Variants in WDR36 observed in about 807,000 individuals in gnomAD.
The protein encoded by WDR36 is WD repeat domain 36, also known as WD repeat-containing protein 36.
In WDR36, 63 loss-of-function variants were observed where a neutral mutation model predicts 112.7. The observed-to-expected ratio is 0.56, with a 90% confidence interval of 0.46 to 0.69. The LOEUF (loss-of-function observed/expected upper bound fraction) is 0.69. Among genes scored for constraint, WDR36 ranks in the 30% least tolerant of loss-of-function variants. The probability of loss-of-function intolerance (pLI) is 0.00; values close to 1 mark genes in which losing one functional copy is unlikely to be tolerated. For missense variants in WDR36, 1,226 were observed against 1,070.3 expected (o/e 1.15, Z -2.03); for synonymous variants, 410 against 362.2 (o/e 1.13, Z -1.50).
Position 111,111,216 on chromosome 5 carries a change from G to A in WDR36, c.1654G>A (p.Asp552Asn). The A allele has an allele frequency of 6.2e-7, 1 of 1,611,840 alleles. No homozygotes were observed. Among genetic ancestry groups the A allele is most frequent in the Non-Finnish European group, 8.5e-7 (1 of 1,178,320 alleles). The change falls in exon 15 of 23, where the codon GAC becomes AAC. Residue 552 changes from aspartate (D) to asparagine (N), a missense_variant. Physicochemically the swap from Asp to Asn is conservative, Grantham distance 23. Coordinates refer to ENST00000513710, the MANE Select transcript of WDR36 (RefSeq NM_139281.3). ...ALDDFSISVL[D>N]IETRKIVREF... Reference sequence around the variant, plus strand: ...GGATGACTTCTCCATTAGTGTTCTGGACATAGAAACTAGGAAGATTGTCAG... The same window carrying A: ...GGATGACTTCTCCATTAGTGTTCTGAACATAGAAACTAGGAAGATTGTCAG...
At position 111,123,904 on chromosome 5, in the gene WDR36, C is replaced by A. The variant is rs779267812; in HGVS notation, c.2248C>A (p.Gln750Lys). 6.2e-7 allele frequency: 1 copy of A among 1,613,670 alleles called. No individual in the cohort carries two copies. Among genetic ancestry groups the A allele is most frequent in the East Asian group, 2.2e-5 (1 of 44,824 alleles). The change falls in exon 20 of 23, where the codon CAA becomes AAA. Residue 750 changes from glutamine to lysine, a missense_variant. Gln to Lys is a moderately conservative substitution (Grantham distance 53). Transcript: ENST00000513710. The part of the protein sequence containing the change: ...GLVPRYAAPE[Q>K]NNDPQQSKVV... Reference sequence around the variant, plus strand: ...TGTACCCAGATATGCTGCACCTGAACAAAATAATGATCCCCAGCAGGTAAA... The same window carrying A: ...TGTACCCAGATATGCTGCACCTGAAAAAAATAATGATCCCCAGCAGGTAAA...
At chr5:111,114,510 C>T (rs1232373063) in intron 16 of WDR36, among the ~76,000 whole-genome samples, 1 of 152,166 alleles carries the variant, frequency 6.6e-6, no homozygotes, top group Non-Finnish European at 1.5e-5. Context: ...CTTGCATATA[C>T]ACTGGATTTG....
intron 21 of WDR36, 125 bp from the exon 22 acceptor site, chr5:111,125,483 T>A: frequency 1.0e-6 from 1 of 990,988 alleles, no homozygotes; most frequent in Admixed American, 2.5e-5. Context: ...TATGAAAAAA[T>A]TAACCCACAG....
At chr5:111,104,495 ACAG>A (rs1753185333) in intron 8 of WDR36, 143 bp downstream of exon 8, 3 of 1,384,248 alleles carry the variant, frequency 2.2e-6, no homozygotes, top group Non-Finnish European at 3.1e-6. Flanking sequence ...AACAAAAAGC[ACAG>A]CAGGTGACAT....
Position 111,130,483 on chromosome 5 carries a change from A to G in WDR36, c.*3600A>G, listed in dbSNP as rs1166595397. 5.8e-6 allele frequency: 1 copy of G among 173,668 alleles called. No homozygotes were observed. The highest frequency in any genetic ancestry group is 1.2e-5 in the Non-Finnish European group (1 of 80,204). 10.8% of individuals were successfully genotyped at this position (173,668 alleles called of 1,614,324 possible). ...GATTTTCATATATATATATGATATA[A>G]TAAACACTTTTTGACATTCTGGGAG... On this transcript the variant is annotated 3_prime_UTR_variant, in exon 23 of 23. Transcript: ENST00000513710.
chr5:111,105,223 A>T (rs932234272), intron 9 of WDR36, 72 bp from the exon 10 acceptor site: 4 of 1,482,028 alleles, frequency 2.7e-6, no homozygotes, highest in Non-Finnish European at 3.8e-6. Context: ...ATTGAATTTT[A>T]TAAAATTTGT....
At chr5:111,103,970 A>C in intron 7 of WDR36, 52 bp downstream of exon 7, 1 of 1,600,174 alleles carries the variant, frequency 6.2e-7, no homozygotes, top group Non-Finnish European at 8.5e-7. Context: ...AAAATTCATT[A>C]CTTTAAAAGT....
Position 111,126,916 on chromosome 5 carries a change from A to G in WDR36, c.*33A>G. The stretch of plus-strand genomic sequence containing the variant: ...TTTGTGACTAAACAAAGACTTTCAT[A>G]TTAAATGGGTTCAATTGAACTCATT... On this transcript the variant is annotated 3_prime_UTR_variant, in exon 23 of 23. Coordinates refer to ENST00000513710, the MANE Select transcript of WDR36 (RefSeq NM_139281.3). 1.3e-6 allele frequency: 2 copies of G among 1,546,792 alleles called. No homozygotes were observed. The highest frequency in any genetic ancestry group is 1.8e-6 in the Non-Finnish European group (2 of 1,140,304).
rs1261901541 is a variant in WDR36, at chr5:111,126,742, T to A, written c.2547T>A (p.Leu849=). ...CATATTTTTCTTTGCAGTTACACCTTAAAATGCTTCCTTCAGAGCCAGTAC... is the reference window on the plus strand; with the variant it reads ...CATATTTTTCTTTGCAGTTACACCTAAAAATGCTTCCTTCAGAGCCAGTAC... The part of the protein sequence containing the change: ...AYLALFLKLH[L]KMLPSEPVLL... Residue 849 remains leucine, a synonymous_variant, in exon 23 of 23, where the codon CTT becomes CTA. Coordinates refer to ENST00000513710, the MANE Select transcript of WDR36 (RefSeq NM_139281.3). 1 of 1,613,714 alleles carries A rather than the reference T, an allele frequency of 6.2e-7. No homozygotes were observed.
chr5:111,095,097 A>G (rs1270495739), intron 2 of WDR36, 150 bp downstream of exon 2: 3 of 707,168 alleles, frequency 4.2e-6, no homozygotes, highest in African/African-American at 3.6e-5. Context: ...GGGTGCCAGG[A>G]TAAATCATGT....
chr5:111,104,113 G>A (rs1753173996), intron 7 of WDR36, 64 bp from the exon 8 acceptor site: 1 of 1,484,416 alleles, frequency 6.7e-7, no homozygotes, highest in African/African-American at 1.4e-5. Context: ...GAAGAGAGAA[G>A]AATTCTTGTT....
chr5:111,099,701 G>A (rs1367787043), intron 4 of WDR36, among the ~76,000 whole-genome samples: 1 of 151,796 alleles, frequency 6.6e-6, no homozygotes, highest in Non-Finnish European at 1.5e-5. Flanking sequence ...TATTCAGGGA[G>A]CCATTTGTAG....
chr5:111,107,172 C>T (rs1303826109), intron 11 of WDR36, 122 bp from the exon 12 acceptor site: 3 of 1,086,346 alleles, frequency 2.8e-6, no homozygotes, highest in Non-Finnish European at 4.0e-6. Context: ...ATATTGCTAT[C>T]AGATATTACC....
At position 111,092,538 on chromosome 5, in the gene WDR36, C is replaced by T. The variant is rs1009808986; in HGVS notation, c.82C>T (p.Pro28Ser). The change falls in exon 1 of 23, where the codon CCA becomes TCA. Residue 28 changes from proline to serine, a missense_variant. By Grantham distance (74) the Pro-to-Ser change is moderately conservative. Coordinates refer to ENST00000513710, the MANE Select transcript of WDR36 (RefSeq NM_139281.3). ...RALGLFSNDI[P>S]HVVRFSALKR... ...CTTGGGACTTTTCAGCAACGACATTCCACACGTGGTGCGGTTCAGCGCGCT... is the reference window on the plus strand; with the variant it reads ...CTTGGGACTTTTCAGCAACGACATTTCACACGTGGTGCGGTTCAGCGCGCT... 2.5e-6 allele frequency: 4 copies of T among 1,614,240 alleles called. No homozygotes were observed. Among genetic ancestry groups the T allele is most frequent in the South Asian group, 1.1e-5 (1 of 91,086 alleles).
chr5:111,098,441 G>A (rs1305140067), intron 3 of WDR36, among the ~76,000 whole-genome samples: 1 of 152,168 alleles, frequency 6.6e-6, no homozygotes, highest in South Asian at 2.1e-4. Context: ...GTGTGTGCAT[G>A]CCTCCTCTCT....
At chr5:111,100,100 G>A (rs1753091852) in intron 4 of WDR36, among the ~76,000 whole-genome samples, 2 of 151,678 alleles carry the variant, frequency 1.3e-5, no homozygotes, top group African/African-American at 4.8e-5. Context: ...TTGTGGAAAT[G>A]TGTGAGAAGT....
At chr5:111,112,660 A>G (rs1240040552) in intron 15 of WDR36, among the ~76,000 whole-genome samples, 1 of 152,006 alleles carries the variant, frequency 6.6e-6, no homozygotes, top group Admixed American at 6.6e-5. Flanking sequence ...TCTGATTATT[A>G]TAGTTTGTTT....
In WDR36 at chr5:111,126,694, A is replaced by T. The variant is rs1276852019; in HGVS notation, c.2539-40A>T. On this transcript the variant is annotated intron_variant, in intron 22 of 22. Coordinates refer to ENST00000513710, the MANE Select transcript of WDR36 (RefSeq NM_139281.3). ...TTGAATCCAGATTAGGTAAAATTTT[A>T]ATTTTCTTAAATGTTCAATCATCAT... 2.5e-6 allele frequency: 4 copies of T among 1,605,096 alleles called. No individual in the cohort carries two copies. In the African/African-American group the frequency reaches 5.4e-5, roughly 22 times the overall value.
chr5:111,123,869 T>C lies in WDR36; in HGVS notation c.2213T>C (p.Ile738Thr). ...TCAGCACCATTTTTCATTCCAACAA[T>C]TCCTGGCCTTGTACCCAGATATGCT... ...PKSAPFFIPTIPGLVPRYAAP... is the reference protein window; with the variant it reads ...PKSAPFFIPTTPGLVPRYAAP... Residue 738 changes from isoleucine (I) to threonine (T), a missense_variant, in exon 20 of 23, where the codon ATT becomes ACT. Coordinates refer to ENST00000513710, the MANE Select transcript of WDR36 (RefSeq NM_139281.3). 1 of 1,613,884 alleles carries C rather than the reference T, an allele frequency of 6.2e-7. No homozygotes were observed. Among genetic ancestry groups the C allele is most frequent in the East Asian group, 2.2e-5 (1 of 44,840 alleles).
Sources: allele counts gnomAD v4.1 joint callset (sites outside exome capture counted in the v4.1 genomes callset), GRCh38; gene constraint gnomAD v4.1.1; transcripts MANE v1.5; gene names NCBI Gene and HGNC (gene_info 2026-07-23, HGNC 2026-07-21).